The following ALDH1L2 variants were observed in gnomAD, a reference collection of about 807,000 sequenced individuals.
ALDH1L2 encodes aldehyde dehydrogenase 1 family member L2.
A neutral mutation model predicts 111.0 loss-of-function variants in ALDH1L2; 91 were observed. The ratio of observed to expected loss-of-function variants is 0.82; its 90% confidence interval spans 0.69 to 0.98. The LOEUF (loss-of-function observed/expected upper bound fraction) is 0.98, where lower values mean the gene tolerates loss of function less well. Ranked by LOEUF, ALDH1L2 falls within the 50% of genes least tolerant of loss-of-function variation. The probability of loss-of-function intolerance (pLI) is 0.00; values close to 1 mark genes in which losing one functional copy is unlikely to be tolerated. For synonymous variants in ALDH1L2, 374 were observed against 392.6 expected (o/e 0.95, Z 0.56); for missense variants, 995 against 1,126.8 (o/e 0.88, Z 1.67).
intron 10 of ALDH1L2, among the ~76,000 whole-genome samples, chr12:105,054,504 T>G (rs1876491230): frequency 6.6e-6 from 1 of 152,224 alleles, no homozygotes; most frequent in African/African-American, 2.4e-5. Context: ...TCTCAAAAGC[T>G]CTGCAATAGC....
rs1011447608 is a variant in ALDH1L2 at position 105,022,912 on chromosome 12, A to G, written c.*1512T>C. 7 of 152,222 alleles carry G rather than the reference A, an allele frequency of 4.6e-5. No homozygotes were observed. The highest frequency in any genetic ancestry group is 1.7e-4 in the African/African-American group (7 of 41,464). 9.4% of individuals were successfully genotyped at this position (152,222 alleles called of 1,614,324 possible). A position where few individuals can be genotyped will look rare whatever the true frequency, so the allele number is the denominator to read the frequency against. The stretch of plus-strand genomic sequence containing the variant: ...CAAAGCCAAAGAAAAAGGAATGTTT[A>G]CTGAAATTTTATTTTTAAAGGAGGA... On this transcript the variant is annotated 3_prime_UTR_variant, in exon 23 of 23. Transcript: ENST00000258494.
intron 1 of ALDH1L2, among the ~76,000 whole-genome samples, chr12:105,083,133 T>A (rs1460186588): frequency 6.6e-6 from 1 of 152,244 alleles, no homozygotes; most frequent in African/African-American, 2.4e-5. Context: ...TCTGCAAGAC[T>A]TCCTTCTGGT....
chr12:105,080,882 C>G (rs1206897163), intron 1 of ALDH1L2, among the ~76,000 whole-genome samples: 1 of 152,218 alleles, frequency 6.6e-6, no homozygotes, highest in Non-Finnish European at 1.5e-5. Flanking sequence ...AAGGAGTACA[C>G]AGTCGCCCTC....
At chr12:105,044,495 A>G (rs1875725055) in intron 15 of ALDH1L2, among the ~76,000 whole-genome samples, 1 of 151,396 alleles carries the variant, frequency 6.6e-6, no homozygotes, top group East Asian at 2.0e-4. Flanking sequence ...ATTCTAATGT[A>G]CAGCCAGTGT....
At chr12:105,045,400 A>G (rs368513134) in intron 15 of ALDH1L2, among the ~76,000 whole-genome samples, 1 of 152,102 alleles carries the variant, frequency 6.6e-6, no homozygotes, top group East Asian at 1.9e-4. Flanking sequence ...TTGAAACTTT[A>G]TGCCCATTAA....
At position 105,020,333 on chromosome 12, in the gene ALDH1L2, A is replaced by G. The variant is rs1300068819; in HGVS notation, c.*4091T>C. 2 of 152,216 alleles carry G rather than the reference A, an allele frequency of 1.3e-5. No individual in the cohort carries two copies. Among genetic ancestry groups the G allele is most frequent in the East Asian group, 3.8e-4 (2 of 5,198 alleles). The allele number at this position is 152,216 out of a possible 1,614,324, so 9.4% of individuals were successfully genotyped here. ...AATACTTAATATGTGCCCACAGCTC[A>G]CTACCTAGGCCCTGATTTAGGCATT... On this transcript the variant is annotated 3_prime_UTR_variant, in exon 23 of 23. Transcript: ENST00000258494.
chr12:105,033,383 ACTGT>A (rs1874813060), intron 19 of ALDH1L2, among the ~76,000 whole-genome samples: 1 of 152,198 alleles, frequency 6.6e-6, no homozygotes, highest in African/African-American at 2.4e-5. Flanking sequence ...AGCACTGCAG[ACTGT>A]CTTTCAGTGA....
At chr12:105,048,434 C>A (rs1031486890) in intron 13 of ALDH1L2, 52 of 152,154 alleles carry the variant, frequency 3.4e-4, no homozygotes, top group African/African-American at 1.2e-3. Context: ...GGGATATGAG[C>A]AAAAGGTACT....
intron 3 of ALDH1L2, 42 bp from the exon 4 acceptor site, chr12:105,068,926 T>C (rs763243044): frequency 7.1e-7 from 1 of 1,412,392 alleles, no homozygotes; most frequent in South Asian, 1.6e-5. Flanking sequence ...TGGTTAACTG[T>C]ATCATAAAGT....
At chr12:105,036,542 A>ATG (rs1189398306) in intron 18 of ALDH1L2, among the ~76,000 whole-genome samples, 2 of 44,894 alleles carry the variant, frequency 4.5e-5, no homozygotes, top group African/African-American at 2.7e-4. Flanking sequence ...ATATATATAT[A>ATG]TATATATATA....
intron 1 of ALDH1L2, among the ~76,000 whole-genome samples, chr12:105,083,409 AT>A: frequency 6.7e-6 from 1 of 150,114 alleles, no homozygotes; most frequent in East Asian, 2.0e-4. Flanking sequence ...AATTCTTATT[AT>A]TTGGGGTTGT....
chr12:105,068,708 A>T lies in ALDH1L2; in HGVS notation c.594+11T>A. ...AGGTTTACTAAATTCTGGGTGGCAA[A>T]ATATACTAACCATGGCCTTGATTCC... On this transcript the variant is annotated intron_variant, in intron 4 of 22. Transcript: ENST00000258494. The T allele has an allele frequency of 2.1e-6, 3 of 1,447,888 alleles. No homozygotes were observed. Among genetic ancestry groups the T allele is most frequent in the Non-Finnish European group, 2.7e-6 (3 of 1,094,200 alleles). 89.7% of individuals were successfully genotyped at this position (1,447,888 alleles called of 1,614,324 possible).
rs1874202234 is a variant in ALDH1L2, at chr12:105,022,312, T to G, written c.*2112A>C. The G allele has an allele frequency of 6.6e-6, 1 of 152,190 alleles. No individual in the cohort carries two copies. Among genetic ancestry groups the G allele is most frequent in the African/African-American group, 2.4e-5 (1 of 41,446 alleles). The allele number at this position is 152,190 out of a possible 1,614,324, so 9.4% of individuals were successfully genotyped here. On this transcript the variant is annotated 3_prime_UTR_variant, in exon 23 of 23. Coordinates refer to ENST00000258494, the MANE Select transcript of ALDH1L2 (RefSeq NM_001034173.4). ...GGTCTGTGAACCCTTTGAAGATACTTGCAGAATTGTGTGTGTGCACATGAA... is the reference window on the plus strand; with the variant it reads ...GGTCTGTGAACCCTTTGAAGATACTGGCAGAATTGTGTGTGTGCACATGAA...
At chr12:105,072,454 G>A (rs1033501752) in intron 2 of ALDH1L2, 7 of 152,016 alleles carry the variant, frequency 4.6e-5, no homozygotes, top group African/African-American at 1.4e-4. Flanking sequence ...CAGCCATCAC[G>A]ATTAGCCCCT....
intron 1 of ALDH1L2, 143 bp downstream of exon 1, chr12:105,084,246 G>A (rs1878479019): frequency 5.9e-6 from 6 of 1,017,080 alleles, no homozygotes; most frequent in African/African-American, 1.7e-5. Flanking sequence ...TTGTTTGTTT[G>A]TTTGTTTTAA....
At chr12:105,071,642 A>ATATATATATATATATTTTTTC (rs1555227710) in intron 2 of ALDH1L2, among the ~76,000 whole-genome samples, 1 of 10,886 alleles carries the variant, frequency 9.2e-5, no homozygotes, top group African/African-American at 4.3e-4. Context: ...ATATATATAT[A>ATATATATATATATATTTTTTC]TTTTTTTTTT....
intron 3 of ALDH1L2, among the ~76,000 whole-genome samples, chr12:105,069,844 G>A (rs995548650): frequency 6.6e-6 from 1 of 152,134 alleles, no homozygotes; most frequent in Non-Finnish European, 1.5e-5. Context: ...ACCAGCCACT[G>A]TTTCTGACAC....
At chr12:105,041,154 A>G (rs1424317417) in intron 15 of ALDH1L2, among the ~76,000 whole-genome samples, 1 of 152,250 alleles carries the variant, frequency 6.6e-6, no homozygotes, top group Admixed American at 6.5e-5. Flanking sequence ...TTCAGATTTC[A>G]CCAATTATCC....
chr12:105,065,735 T>A (rs1488553014), intron 5 of ALDH1L2, among the ~76,000 whole-genome samples: 2 of 152,090 alleles, frequency 1.3e-5, no homozygotes, highest in African/African-American at 2.4e-5. Flanking sequence ...CTAGTTTGTT[T>A]GTGTCTGTCT....
Sources: gnomAD v4.1 joint callset for allele counts (sites outside exome capture counted in the v4.1 genomes callset) on GRCh38, gnomAD v4.1.1 for gene constraint, MANE v1.5 for transcripts, NCBI Gene and HGNC (gene_info 2026-07-23, HGNC 2026-07-21) for gene names.